The following GRIA3 variants were observed in gnomAD, a reference collection of about 807,000 sequenced individuals.
The protein encoded by GRIA3 is glutamate ionotropic receptor AMPA type subunit 3, also known as glutamate receptor 3.
In GRIA3, 3 loss-of-function variants were observed where a neutral mutation model predicts 63.0. The observed-to-expected ratio is 0.05, with a 90% CI of 0.02 to 0.12. GRIA3 has a LOEUF of 0.12. Among genes scored for constraint, GRIA3 ranks in the 10% least tolerant of loss-of-function variants. The pLI is 1.00. For missense variants in GRIA3, 347 were observed against 700.9 expected (o/e 0.50, Z 5.70); for synonymous variants, 274 against 257.9 (o/e 1.06, Z -0.60).
At chrX:123,209,990 T>A (rs1927997379) in intron 2 of GRIA3, among the ~76,000 whole-genome samples, 1 of 109,876 alleles carries the variant, frequency 9.1e-6, no homozygotes, top group Non-Finnish European at 1.9e-5. Flanking sequence ...ATTTTGTTTG[T>A]TTGTTTGTTT....
intron 2 of GRIA3, among the ~76,000 whole-genome samples, chrX:123,232,564 T>G (rs1247587508): frequency 9.0e-6 from 1 of 111,540 alleles, no homozygotes; most frequent in African/African-American, 3.3e-5. Context: ...TTAATACCAC[T>G]GAACTGTATA....
intron 12 of GRIA3, among the ~76,000 whole-genome samples, chrX:123,432,520 A>T (rs1184573894): frequency 8.9e-6 from 1 of 111,949 alleles, no homozygotes; most frequent in African/African-American, 3.2e-5. Context: ...TGGCCCAGCC[A>T]GGTCATGTAT....
chrX:123,407,694 G>GGA (rs1556314621), intron 10 of GRIA3, among the ~76,000 whole-genome samples: 1 of 85,226 alleles, frequency 1.2e-5, no homozygotes, highest in Non-Finnish European at 2.3e-5. Flanking sequence ...TTGGTTGCGG[G>GGA]GGGGGGGGGG....
chrX:123,473,420 A>G (rs1475350568), intron 13 of GRIA3, among the ~76,000 whole-genome samples: 1 of 111,865 alleles, frequency 8.9e-6, no homozygotes, highest in Non-Finnish European at 1.9e-5. Context: ...TTGATCATCA[A>G]TTGGCTTCAG....
At position 123,342,836 on chromosome X, in the gene GRIA3, A is replaced by G. The variant is rs151336043; in HGVS notation, c.697-12074A>G. Among the ~76,000 whole-genome samples the G allele has an allele frequency of 1.3e-3, 141 of 111,639 alleles. 1 individual carries two copies. The highest frequency in any genetic ancestry group is 4.7e-3 in the Middle Eastern group (1 of 214). On this transcript the variant is annotated intron_variant, in intron 4 of 15. Coordinates refer to ENST00000620443, the MANE Select transcript of GRIA3 (RefSeq NM_007325.5). The stretch of plus-strand genomic sequence containing the variant: ...AGAATTTCCAAAGTTTCGGGCCACA[A>G]CTGTTCCCCACTTAGGTAATAATAC...
intron 14 of GRIA3, 141 bp downstream of exon 14, chrX:123,480,318 A>G: frequency 2.0e-6 from 1 of 490,763 alleles, no homozygotes; most frequent in Non-Finnish European, 3.8e-6. Context: ...TGCTAAAGGA[A>G]TAAGACAAAT....
intron 2 of GRIA3, among the ~76,000 whole-genome samples, chrX:123,250,666 G>A (rs184963320): frequency 1.4e-3 from 151 of 111,546 alleles, no homozygotes; most frequent in African/African-American, 4.4e-3. Flanking sequence ...TTTGGTTGAA[G>A]GGCCATGATT....
intron 2 of GRIA3, among the ~76,000 whole-genome samples, chrX:123,239,675 G>A (rs1307709997): frequency 8.9e-6 from 1 of 112,263 alleles, no homozygotes; most frequent in African/African-American, 3.2e-5. Flanking sequence ...GGTTGGATTA[G>A]AATCTAAAAC....
At chrX:123,456,896 T>C (rs2045764933) in intron 12 of GRIA3, among the ~76,000 whole-genome samples, 1 of 111,781 alleles carries the variant, frequency 8.9e-6, no homozygotes, top group African/African-American at 3.3e-5. Flanking sequence ...GCCACCCTTT[T>C]GAATTTTTAC....
At chrX:123,337,209 C>A (rs960987006) in intron 4 of GRIA3, among the ~76,000 whole-genome samples, 1 of 111,736 alleles carries the variant, frequency 8.9e-6, no homozygotes, top group Non-Finnish European at 1.9e-5. Context: ...TCACTATGAT[C>A]ACCATAAAGG....
intron 5 of GRIA3, among the ~76,000 whole-genome samples, chrX:123,373,343 T>C (rs1450581601): frequency 8.9e-6 from 1 of 111,904 alleles, no homozygotes; most frequent in Non-Finnish European, 1.9e-5. Context: ...CATGTGTCTT[T>C]ATAGTAGCAT....
chrX:123,294,231 T>G (rs2044672483), intron 3 of GRIA3, among the ~76,000 whole-genome samples: 1 of 111,130 alleles, frequency 9.0e-6, no homozygotes, highest in Non-Finnish European at 1.9e-5. Context: ...CCCAGAGTCA[T>G]GCAGCTAATA....
intron 12 of GRIA3, among the ~76,000 whole-genome samples, chrX:123,443,143 A>G (rs1048884262): frequency 8.9e-6 from 1 of 112,068 alleles, no homozygotes; most frequent in Non-Finnish European, 1.9e-5. Context: ...GGGAGCCCCA[A>G]ATGAAGATCT....
chrX:123,464,738 T>G, intron 12 of GRIA3, 127 bp from the exon 13 acceptor site: 1 of 572,956 alleles, frequency 1.7e-6, no homozygotes, highest in Non-Finnish European at 2.9e-6. Flanking sequence ...TGAACGTGCC[T>G]ACTAGGTTGC....
chrX:123,298,910 T>C (rs2044702747), intron 3 of GRIA3, among the ~76,000 whole-genome samples: 1 of 110,096 alleles, frequency 9.1e-6, no homozygotes, highest in Non-Finnish European at 1.9e-5. Context: ...ATTTTTTTTA[T>C]GGTGTAAGGA....
chrX:123,466,100 G>C (rs891380549), intron 13 of GRIA3, among the ~76,000 whole-genome samples: 1 of 111,810 alleles, frequency 8.9e-6, no homozygotes, highest in African/African-American at 3.3e-5. Flanking sequence ...AAGAGTCCAA[G>C]GCTTTCCTGT....
intron 3 of GRIA3, among the ~76,000 whole-genome samples, chrX:123,259,042 G>A (rs1450970758): frequency 8.9e-6 from 1 of 111,821 alleles, no homozygotes; most frequent in Non-Finnish European, 1.9e-5. Flanking sequence ...TATCTAAGAG[G>A]CCTGAAAAAA....
rs748670265 is a variant in GRIA3, at chrX:123,449,882, G to A, written c.2077-14983G>A. Among the ~76,000 whole-genome samples the A allele has an allele frequency of 5.4e-5, 6 of 111,626 alleles. No individual in the cohort carries two copies. In the South Asian group the frequency reaches 1.5e-3, roughly 28 times the overall value. ...TGTGCCCAGGCCCTCACGTGCCCCT[G>A]ACATATCGGGGTGGCACTCCACATT... On this transcript the variant is annotated intron_variant, in intron 12 of 15. Coordinates refer to ENST00000620443, the MANE Select transcript of GRIA3 (RefSeq NM_007325.5).
chrX:123,392,327 T>C (rs1363339051), intron 5 of GRIA3, among the ~76,000 whole-genome samples: 1 of 111,455 alleles, frequency 9.0e-6, no homozygotes, highest in Non-Finnish European at 1.9e-5. Context: ...ATTCAAGGTA[T>C]TCAACCCCAT....
Sources: gnomAD v4.1 joint callset for allele counts (sites outside exome capture counted in the v4.1 genomes callset) on GRCh38, gnomAD v4.1.1 for gene constraint, MANE v1.5 for transcripts, NCBI Gene and HGNC (gene_info 2026-07-23, HGNC 2026-07-21) for gene names.